PCDHA11: variants seen among roughly 807,000 people sequenced by gnomAD.
The protein encoded by PCDHA11 is protocadherin alpha 11.
Under a neutral mutation model 70.3 loss-of-function variants are expected in PCDHA11, and 61 were observed. That is an observed-to-expected ratio of 0.87 (90% CI 0.71 to 1.07). The LOEUF is 1.07. PCDHA11 is among the 50% of genes least tolerant of loss of function. The pLI, the probability that PCDHA11 is intolerant of heterozygous loss-of-function variation, is 0.00. For missense variants in PCDHA11, 1,324 were observed against 1,237.5 expected (o/e 1.07, Z -1.05); for synonymous variants, 633 against 555.1 (o/e 1.14, Z -1.97).
At chr5:140,982,022 G>T (rs2096962811) in intron 2 of PCDHA11, among the ~76,000 whole-genome samples, 1 of 152,168 alleles carries the variant, frequency 6.6e-6, no homozygotes, top group African/African-American at 2.4e-5. Context: ...AGCCAAATTG[G>T]AACAATACTC....
chr5:140,900,446 T>G (rs1344652526), intron 1 of PCDHA11, among the ~76,000 whole-genome samples: 1 of 152,154 alleles, frequency 6.6e-6, no homozygotes, highest in Non-Finnish European at 1.5e-5. Flanking sequence ...GCCGGCTAAT[T>G]TTTTATTTTT....
At chr5:140,873,141 C>A (rs1275722582) in intron 1 of PCDHA11, among the ~76,000 whole-genome samples, 3 of 152,064 alleles carry the variant, frequency 2.0e-5, no homozygotes, top group African/African-American at 7.2e-5. Flanking sequence ...TATGCTGAAG[C>A]CTATTCATAG....
intron 1 of PCDHA11, among the ~76,000 whole-genome samples, chr5:140,906,958 G>A (rs1220105162): frequency 1.3e-5 from 2 of 152,124 alleles, no homozygotes; most frequent in Non-Finnish European, 2.9e-5. Flanking sequence ...CAGTTTAATG[G>A]AATCGTGGTT....
At chr5:140,927,824 A>C in intron 1 of PCDHA11, 1 of 1,614,182 alleles carries the variant, frequency 6.2e-7, no homozygotes, top group Non-Finnish European at 8.5e-7. Context: ...GCATACATTG[A>C]GGCGAGGGAC....
At chr5:140,945,147 T>C (rs1554216774) in intron 1 of PCDHA11, among the ~76,000 whole-genome samples, 1 of 152,154 alleles carries the variant, frequency 6.6e-6, no homozygotes, top group Non-Finnish European at 1.5e-5. Flanking sequence ...ATAGCATTTC[T>C]ATACACTATT....
At chr5:140,953,227 G>A (rs269546) in intron 1 of PCDHA11, among the ~76,000 whole-genome samples, 34,007 of 151,960 alleles carry the variant, frequency 0.22, 4,902 homozygotes, top group African/African-American at 0.41. Flanking sequence ...GCTTCTGCTT[G>A]GTAGCAGTTC....
chr5:140,882,375 C>T (rs879994353), intron 1 of PCDHA11: 1 of 1,614,212 alleles, frequency 6.2e-7, no homozygotes, highest in Non-Finnish European at 8.5e-7. Context: ...TACTCCGTCC[C>T]CGAGGAAGCA....
chr5:140,984,140 A>G (rs2097088641), intron 3 of PCDHA11, among the ~76,000 whole-genome samples: 1 of 152,240 alleles, frequency 6.6e-6, no homozygotes, highest in Non-Finnish European at 1.5e-5. Context: ...ATGTGGAGGC[A>G]TCTGGGAAGG....
intron 1 of PCDHA11, among the ~76,000 whole-genome samples, chr5:140,952,538 T>C (rs558395294): frequency 6.6e-6 from 1 of 152,256 alleles, no homozygotes; most frequent in South Asian, 2.1e-4. Flanking sequence ...AGACTGGACT[T>C]CTTTGTCCAT....
At chr5:140,891,410 A>G (rs1381375342) in intron 1 of PCDHA11, among the ~76,000 whole-genome samples, 1 of 130,438 alleles carries the variant, frequency 7.7e-6, no homozygotes, top group East Asian at 2.5e-4. Context: ...GCCACCCCCC[A>G]CTCTTGCCCC....
intron 3 of PCDHA11, among the ~76,000 whole-genome samples, chr5:140,987,644 T>G (rs1461630900): frequency 6.6e-6 from 1 of 152,220 alleles, no homozygotes; most frequent in Non-Finnish European, 1.5e-5. Context: ...TGCACACATA[T>G]TGCAGAATCT....
intron 1 of PCDHA11, among the ~76,000 whole-genome samples, chr5:140,880,233 T>A (rs1040125802): frequency 6.6e-6 from 1 of 152,046 alleles, no homozygotes; most frequent in African/African-American, 2.4e-5. Flanking sequence ...TTTAAATTAG[T>A]GTATGTGCGT....
chr5:140,878,890 T>C (rs1219933788), intron 1 of PCDHA11, among the ~76,000 whole-genome samples: 1 of 152,242 alleles, frequency 6.6e-6, no homozygotes, highest in East Asian at 1.9e-4. Flanking sequence ...TAGCTGAGAC[T>C]ACAGGCAGGC....
chr5:140,948,943 A>G (rs2094326850), intron 1 of PCDHA11, among the ~76,000 whole-genome samples: 1 of 71,272 alleles, frequency 1.4e-5, no homozygotes, highest in African/African-American at 4.3e-5. Context: ...CTTCTAATAT[A>G]AAAAAATTAA....
chr5:140,931,759 T>C (rs2087738384), intron 1 of PCDHA11, among the ~76,000 whole-genome samples: 2 of 151,994 alleles, frequency 1.3e-5, no homozygotes, highest in African/African-American at 4.8e-5. Flanking sequence ...GCATTTGTTA[T>C]TTACTTCTTC....
chr5:140,928,736 T>C, intron 1 of PCDHA11: 1 of 1,614,174 alleles, frequency 6.2e-7, no homozygotes, highest in Non-Finnish European at 8.5e-7. Flanking sequence ...TCAGCCAATA[T>C]AGGTGAGCTC....
At position 140,981,056 on chromosome 5, in the gene PCDHA11, G is replaced by A. The variant is rs571113984; in HGVS notation, c.2451-1419G>A. 1.5e-3 allele frequency among the ~76,000 whole-genome samples: 227 copies of A among 152,276 alleles called. 1 individual carries two copies. Among genetic ancestry groups the A allele is most frequent in the African/African-American group, 5.2e-3 (217 of 41,556 alleles). ...GGGAAAAAAAACAGATAATTCTAGA[G>A]TGTAGACAAGGGGAAGAATAGTAAA... On this transcript the variant is annotated intron_variant, in intron 2 of 3. Transcript: ENST00000398640.
intron 1 of PCDHA11, among the ~76,000 whole-genome samples, chr5:140,933,870 T>C (rs2089481018): frequency 6.6e-6 from 1 of 152,092 alleles, no homozygotes. Context: ...CAGATATATG[T>C]TAGTTTTATC....
At chr5:140,882,408 G>T in intron 1 of PCDHA11, 2 of 1,614,138 alleles carry the variant, frequency 1.2e-6, no homozygotes, top group Non-Finnish European at 8.5e-7. Flanking sequence ...TTCGTGGGCC[G>T]CATCGCTCAG....
Sources: gnomAD v4.1 joint callset for allele counts (sites outside exome capture counted in the v4.1 genomes callset) on GRCh38, gnomAD v4.1.1 for gene constraint, MANE v1.5 for transcripts, NCBI Gene and HGNC (gene_info 2026-07-23, HGNC 2026-07-21) for gene names.